The following RGS7 variants were observed in gnomAD, a reference collection of about 807,000 sequenced individuals.
The protein encoded by RGS7 is regulator of G protein signaling 7.
Under a neutral mutation model 81.1 loss-of-function variants are expected in RGS7, and 27 were observed. That is an observed-to-expected ratio of 0.33 (90% CI 0.25 to 0.46). The LOEUF (loss-of-function observed/expected upper bound fraction) is 0.46, where lower values mean the gene tolerates loss of function less well. RGS7 is among the 20% of genes least tolerant of loss of function. The pLI is 1.00. For missense variants in RGS7, 396 were observed against 607.4 expected, an observed-to-expected ratio of 0.65 and a Z score of 3.66; for synonymous variants, 208 against 207.7, an observed-to-expected ratio of 1.00 and a Z score of -0.01.
rs1192656871 is a variant in RGS7, at chr1:241,162,009, G to T, written c.79-63247C>A. 2.0e-5 allele frequency among the ~76,000 whole-genome samples: 3 copies of T among 152,086 alleles called. No homozygotes were observed. In the East Asian group the frequency reaches 5.8e-4, roughly 29 times the overall value. ...TGGGATTACAGGCTTGAGCCACCGTGCCCGGCCAACTGTTCTATTGTTAAA... is the reference window on the plus strand; with the variant it reads ...TGGGATTACAGGCTTGAGCCACCGTTCCCGGCCAACTGTTCTATTGTTAAA... On this transcript the variant is annotated intron_variant, in intron 2 of 18. Transcript: ENST00000440928.
intron 2 of RGS7, among the ~76,000 whole-genome samples, chr1:241,351,646 A>G (rs2083259132): frequency 6.6e-6 from 1 of 152,166 alleles, no homozygotes; most frequent in Non-Finnish European, 1.5e-5. Context: ...TTGAAAAGAA[A>G]AAATAAAAAC....
At chr1:241,080,846 C>T (rs1437380719) in intron 3 of RGS7, among the ~76,000 whole-genome samples, 1 of 152,146 alleles carries the variant, frequency 6.6e-6, no homozygotes, top group African/African-American at 2.4e-5. Context: ...TCAAGGAATG[C>T]CTTCTTATGG....
At chr1:240,818,970 C>T (rs10926364) in intron 10 of RGS7, among the ~76,000 whole-genome samples, 103,936 of 152,004 alleles carry the variant, frequency 0.68, 36,343 homozygotes, top group Non-Finnish European at 0.77. Flanking sequence ...TTTGAGGTGA[C>T]GAATATGTTG....
At chr1:240,785,786 G>C (rs2102988827) in intron 18 of RGS7, among the ~76,000 whole-genome samples, 2 of 152,290 alleles carry the variant, frequency 1.3e-5, no homozygotes, top group South Asian at 4.1e-4. Context: ...AGGTGTTAGG[G>C]AAGCTCTTGC....
intron 3 of RGS7, among the ~76,000 whole-genome samples, chr1:241,006,747 G>A (rs1042240229): frequency 3.9e-5 from 6 of 152,112 alleles, no homozygotes; most frequent in Admixed American, 1.3e-4. Flanking sequence ...TGAACTACAC[G>A]GGTTCCCTTA....
chr1:241,317,642 T>A (rs1191909097), intron 2 of RGS7, among the ~76,000 whole-genome samples: 1 of 152,124 alleles, frequency 6.6e-6, no homozygotes, highest in East Asian at 1.9e-4. Flanking sequence ...GTAATGAATT[T>A]GGGGAGGAAA....
Position 240,848,355 on chromosome 1 carries a change from G to GA in RGS7, c.609+20231dup, listed in dbSNP as rs1308970587. ...TTGGTGTCCTATTGTTATCTTACAT[G>GA]AAAAAATAAATATTTAAACAGTCCT... On this transcript the variant is annotated intron_variant, in intron 9 of 18. Coordinates refer to ENST00000440928, the MANE Select transcript of RGS7 (RefSeq NM_001364886.1). Among the ~76,000 whole-genome samples, 10 of 152,082 alleles carry GA rather than the reference G, an allele frequency of 6.6e-5. No homozygotes were observed. The East Asian group carries it at 1.5e-3, about 23-fold the overall frequency.
intron 3 of RGS7, among the ~76,000 whole-genome samples, chr1:241,083,225 CAAA>C (rs11304590): frequency 6.6e-4 from 50 of 75,820 alleles, no homozygotes; most frequent in African/African-American, 1.8e-3. Flanking sequence ...GACTCTGTCT[CAAA>C]AAAAAAAAAA....
At chr1:241,131,610 G>A (rs572631380) in intron 2 of RGS7, among the ~76,000 whole-genome samples, 6 of 152,222 alleles carry the variant, frequency 3.9e-5, no homozygotes, top group African/African-American at 1.4e-4. Flanking sequence ...AAGTAGAAAA[G>A]CATTTAAAAA....
chr1:240,883,201 G>C (rs906350636), intron 6 of RGS7, among the ~76,000 whole-genome samples: 1 of 151,182 alleles, frequency 6.6e-6, no homozygotes, highest in Non-Finnish European at 1.5e-5. Context: ...GATGGGGGAG[G>C]GATAGCATTA....
chr1:241,070,647 G>T (rs1308003219), intron 3 of RGS7, among the ~76,000 whole-genome samples: 3 of 152,196 alleles, frequency 2.0e-5, no homozygotes, highest in African/African-American at 7.2e-5. Flanking sequence ...AGGCCCAGCT[G>T]CCCTGCCCAT....
intron 2 of RGS7, among the ~76,000 whole-genome samples, chr1:241,214,645 A>G (rs996148177): frequency 5.9e-5 from 9 of 152,116 alleles, no homozygotes; most frequent in Non-Finnish European, 1.0e-4. Flanking sequence ...AGTATATCAG[A>G]TCACTCTATA....
At chr1:241,147,765 C>A in intron 2 of RGS7, among the ~76,000 whole-genome samples, 1 of 85,664 alleles carries the variant, frequency 1.2e-5, no homozygotes, top group Non-Finnish European at 2.4e-5. Flanking sequence ...TTAAATATCC[C>A]ATCTAGATTA....
chr1:241,259,105 T>A (rs1018262494), intron 2 of RGS7, among the ~76,000 whole-genome samples: 18 of 152,098 alleles, frequency 1.2e-4, no homozygotes, highest in Admixed American at 1.2e-3. Flanking sequence ...TTCCAGTTAA[T>A]AGCATCAATT....
chr1:241,215,573 G>A (rs1466850568), intron 2 of RGS7, among the ~76,000 whole-genome samples: 1 of 152,122 alleles, frequency 6.6e-6, no homozygotes, highest in Non-Finnish European at 1.5e-5. Flanking sequence ...TCCTCCCCCA[G>A]TTTCCAGCTG....
intron 2 of RGS7, among the ~76,000 whole-genome samples, chr1:241,136,912 T>C (rs2067562635): frequency 6.6e-6 from 1 of 152,232 alleles, no homozygotes; most frequent in Admixed American, 6.5e-5. Flanking sequence ...GCCATGAAGA[T>C]GAGCTTTCTG....
At chr1:241,062,089 C>A (rs975742824) in intron 3 of RGS7, among the ~76,000 whole-genome samples, 1 of 152,172 alleles carries the variant, frequency 6.6e-6, no homozygotes, top group African/African-American at 2.4e-5. Flanking sequence ...CTTTCAAAAC[C>A]TTATTCAAAA....
chr1:240,996,731 G>C (rs1687347518), intron 3 of RGS7, among the ~76,000 whole-genome samples: 2 of 152,160 alleles, frequency 1.3e-5, no homozygotes, highest in South Asian at 2.1e-4. Flanking sequence ...ATGTAGTTGA[G>C]CCATGATTTT....
At chr1:240,930,222 C>CTTTTTTTTTTTTTT (rs10676730) in intron 6 of RGS7, among the ~76,000 whole-genome samples, 4 of 113,890 alleles carry the variant, frequency 3.5e-5, no homozygotes, top group African/African-American at 6.9e-5. Context: ...TCTTTTTTAG[C>CTTTTTTTTTTTTTT]TTTTTTTTTT....
Sources: allele counts gnomAD v4.1 joint callset (sites outside exome capture counted in the v4.1 genomes callset), GRCh38; gene constraint gnomAD v4.1.1; transcripts MANE v1.5; gene names NCBI Gene and HGNC (gene_info 2026-07-23, HGNC 2026-07-21).